The following UBE2U variants were observed in gnomAD, a reference collection of about 807,000 sequenced individuals.
UBE2U encodes the protein ubiquitin conjugating enzyme E2 U.
In UBE2U, 39 loss-of-function variants were observed where a neutral mutation model predicts 41.2. That is an observed-to-expected ratio of 0.95 (90% CI 0.73 to 1.24). UBE2U has a LOEUF of 1.24. UBE2U is among the 50% of genes most tolerant of loss of function. UBE2U has a pLI of 0.00. For missense variants in UBE2U, 336 were observed against 363.1 expected (o/e 0.93, Z 0.61); for synonymous variants, 107 against 117.8 (o/e 0.91, Z 0.60).
chr1:64,214,856 G>T lies in UBE2U; in HGVS notation c.381G>T (p.Leu127Phe), dbSNP rs1651885530. 1 of 1,613,986 alleles carries T rather than the reference G, an allele frequency of 6.2e-7. No individual in the cohort carries two copies. Residue 127 changes from leucine (L) to phenylalanine (F), a missense_variant, in exon 5 of 10, where the codon TTG becomes TTT. Physicochemically the swap from Leu to Phe is conservative, Grantham distance 22 (BLOSUM62 0). Coordinates refer to ENST00000371077, the MANE Select transcript of UBE2U (RefSeq NM_001366232.2). ...CAGTGCTAGAGAATCCAGTGAATTT[G>T]GAAGCAGCCAGAATACTGGTTAAAG... is the stretch of plus-strand genomic sequence containing the variant. Reference protein sequence around the residue: ...SNPVLENPVNLEAARILVKDE... With the variant: ...SNPVLENPVNFEAARILVKDE...
chr1:64,234,336 C>T lies in UBE2U; in HGVS notation c.595+1687C>T, dbSNP rs867179074. Among the ~76,000 whole-genome samples, 4 of 152,146 alleles carry T rather than the reference C, an allele frequency of 2.6e-5. No homozygotes were observed. The South Asian group carries it at 6.2e-4, about 24-fold the overall frequency. On this transcript the variant is annotated intron_variant, in intron 7 of 9. Coordinates refer to ENST00000371077, the MANE Select transcript of UBE2U (RefSeq NM_001366232.2). ...AAGCCAGAATCTTAGATGTTTCCTA[C>T]ATCTCTTTATCTCTCTCATTAAGCC...
intron 3 of UBE2U, among the ~76,000 whole-genome samples, chr1:64,208,541 C>T (rs1362546325): frequency 1.4e-5 from 2 of 138,014 alleles, no homozygotes; most frequent in East Asian, 2.1e-4. Flanking sequence ...GAGGTCGAGG[C>T]TGCAGTGAGC....
intron 8 of UBE2U, among the ~76,000 whole-genome samples, chr1:64,246,568 T>C (rs1282949874): frequency 7.0e-6 from 1 of 143,246 alleles, no homozygotes; most frequent in Non-Finnish European, 1.6e-5. Flanking sequence ...GGACACTGCC[T>C]GTATTTTTAA....
intron 1 of UBE2U, 78 bp downstream of exon 1, chr1:64,204,194 T>C: frequency 1.4e-6 from 2 of 1,392,414 alleles, no homozygotes; most frequent in African/African-American, 1.4e-5. Flanking sequence ...TTTTATTCTA[T>C]AAGTAGTAAT....
At chr1:64,209,323 T>C (rs1021915299) in intron 3 of UBE2U, among the ~76,000 whole-genome samples, 1 of 152,086 alleles carries the variant, frequency 6.6e-6, no homozygotes, top group African/African-American at 2.4e-5. Context: ...ACTGCTCTTT[T>C]TTTTTCCCCC....
At chr1:64,211,300 T>C (rs1213840813) in intron 4 of UBE2U, among the ~76,000 whole-genome samples, 1 of 152,226 alleles carries the variant, frequency 6.6e-6, no homozygotes, top group Non-Finnish European at 1.5e-5. Context: ...TCTGTCCCAA[T>C]AGTGTTCACA....
At chr1:64,210,068 G>T (rs1651570482) in intron 3 of UBE2U, among the ~76,000 whole-genome samples, 1 of 152,024 alleles carries the variant, frequency 6.6e-6, no homozygotes, top group Non-Finnish European at 1.5e-5. Flanking sequence ...AGATTTTTAT[G>T]ATTTAAAATA....
In UBE2U at chr1:64,205,701, A is replaced by T. The variant is rs372996834; in HGVS notation, c.129A>T (p.Leu43=). Residue 43 remains leucine, a synonymous_variant, in exon 2 of 10, where the codon CTA becomes CTT. Coordinates refer to ENST00000371077, the MANE Select transcript of UBE2U (RefSeq NM_001366232.2). The stretch of plus-strand genomic sequence containing the variant: ...AATGGGAAGTTGAAATTGAAGGTCT[A>T]CAGAATTCAGTTTGGCAGGGTTTGT... ...MMEWEVEIEG[L]QNSVWQGLVF... is the part of the protein sequence containing the mutation. 6.2e-7 allele frequency: 1 copy of T among 1,613,184 alleles called. No homozygotes were observed. Among genetic ancestry groups the T allele is most frequent in the East Asian group, 2.2e-5 (1 of 44,750 alleles).
At chr1:64,244,043 A>G in intron 8 of UBE2U, 1 of 893,240 alleles carries the variant, frequency 1.1e-6, no homozygotes, top group Non-Finnish European at 1.9e-6. Flanking sequence ...AATGCTTCAA[A>G]CAGTATCTGG....
chr1:64,267,201 A>C lies in UBE2U; in HGVS notation c.947A>C (p.Glu316Ala). The change falls in exon 10 of 10, where the codon GAA becomes GCA. Residue 316 changes from glutamate to alanine, a missense_variant. By Grantham distance (107) the Glu-to-Ala change is moderately radical. Coordinates refer to ENST00000371077, the MANE Select transcript of UBE2U (RefSeq NM_001366232.2). ...AATACTCTCAATACAAATACTTCAG[A>C]AGATTAAGCAGAACATTATCAGATT... is the stretch of plus-strand genomic sequence containing the variant. ...WTNTLNTNTS[E>A]D 4.0e-6 allele frequency: 6 copies of C among 1,517,260 alleles called. No homozygotes were observed. The highest frequency in any genetic ancestry group is 5.3e-6 in the Non-Finnish European group (6 of 1,134,968). The allele number at this position is 1,517,260 out of a possible 1,614,324, so 94.0% of individuals were successfully genotyped here.
intron 7 of UBE2U, among the ~76,000 whole-genome samples, chr1:64,239,157 A>AAGAGGAGGAAGAGG: frequency 2.7e-5 from 1 of 37,070 alleles, no homozygotes; most frequent in South Asian, 1.4e-3. Flanking sequence ...GAAGAAGAAG[A>AAGAGGAGGAAGAGG]AAGAAGAAGA....
At chr1:64,218,746 A>G (rs943417556) in intron 5 of UBE2U, among the ~76,000 whole-genome samples, 1 of 152,230 alleles carries the variant, frequency 6.6e-6, no homozygotes, top group Non-Finnish European at 1.5e-5. Context: ...ATATGACTTT[A>G]TAAATACTTG....
At chr1:64,241,593 C>G in intron 7 of UBE2U, 59 bp from the exon 8 acceptor site, 1 of 1,223,808 alleles carries the variant, frequency 8.2e-7, no homozygotes, top group Non-Finnish European at 1.2e-6. Context: ...TAACTTTTAA[C>G]TATTAACTAT....
intron 4 of UBE2U, among the ~76,000 whole-genome samples, chr1:64,211,354 T>C (rs1651650780): frequency 6.6e-6 from 1 of 152,236 alleles, no homozygotes; most frequent in African/African-American, 2.4e-5. Context: ...TCTCCTCTCC[T>C]CAGATGCCTG....
At chr1:64,209,684 C>T (rs1651545949) in intron 3 of UBE2U, among the ~76,000 whole-genome samples, 2 of 151,280 alleles carry the variant, frequency 1.3e-5, no homozygotes, top group African/African-American at 4.9e-5. Flanking sequence ...CCCCCGCCCC[C>T]GCCCGCCCCG....
intron 1 of UBE2U, among the ~76,000 whole-genome samples, chr1:64,204,837 T>C (rs1336677041): frequency 2.5e-4 from 38 of 152,178 alleles, no homozygotes; most frequent in Non-Finnish European, 5.9e-5. Flanking sequence ...CATTGTTCAT[T>C]TTTTACCTCT....
At chr1:64,204,913 C>G (rs547343080) in intron 1 of UBE2U, among the ~76,000 whole-genome samples, 55 of 152,280 alleles carry the variant, frequency 3.6e-4, no homozygotes, top group Admixed American at 2.2e-3. Context: ...GCGAACATTC[C>G]TGGGGCATGG....
intron 6 of UBE2U, among the ~76,000 whole-genome samples, chr1:64,229,649 A>G (rs951921954): frequency 3.3e-5 from 5 of 152,326 alleles, no homozygotes; most frequent in Non-Finnish European, 5.9e-5. Flanking sequence ...GGTTCCAACC[A>G]GAGATATTTA....
chr1:64,234,060 T>C (rs1557724839), intron 7 of UBE2U, among the ~76,000 whole-genome samples: 4 of 152,220 alleles, frequency 2.6e-5, no homozygotes. Flanking sequence ...GAAAGACCTC[T>C]TCCACTACCA....
Sources: allele counts gnomAD v4.1 joint callset (sites outside exome capture counted in the v4.1 genomes callset), GRCh38; gene constraint gnomAD v4.1.1; transcripts MANE v1.5; gene names NCBI Gene and HGNC (gene_info 2026-07-23, HGNC 2026-07-21).